Variants in GRID2 observed in about 807,000 individuals in gnomAD.
GRID2 encodes the protein glutamate ionotropic receptor delta type subunit 2, also known as glutamate receptor ionotropic, delta-2.
A neutral mutation model predicts 114.8 loss-of-function variants in GRID2; 33 were observed. That is an observed-to-expected ratio of 0.29 (90% CI 0.22 to 0.38). The LOEUF is 0.38. GRID2 is among the 10% of genes least tolerant of loss of function. GRID2 has a pLI of 1.00. For missense variants in GRID2, 1,184 were observed against 1,257.7 expected (o/e 0.94, Z 0.89); for synonymous variants, 505 against 449.9 (o/e 1.12, Z -1.55).
intron 1 of GRID2, among the ~76,000 whole-genome samples, chr4:92,538,541 G>C (rs1725764515): frequency 6.6e-6 from 1 of 152,108 alleles, no homozygotes; most frequent in African/African-American, 2.4e-5. Flanking sequence ...TTACAAAAGG[G>C]ATAAGTTGTA....
chr4:93,265,648 C>A (rs1276001666), intron 8 of GRID2, among the ~76,000 whole-genome samples: 1 of 152,044 alleles, frequency 6.6e-6, no homozygotes, highest in South Asian at 2.1e-4. Flanking sequence ...ATAAATGTGA[C>A]CTATGCATAC....
At chr4:92,962,352 C>T (rs1307849639) in intron 2 of GRID2, among the ~76,000 whole-genome samples, 7 of 151,738 alleles carry the variant, frequency 4.6e-5, no homozygotes, top group African/African-American at 9.7e-5. Context: ...GATTGAGACT[C>T]GGTCTTTTAG....
At chr4:93,116,219 A>T (rs1434310231) in intron 4 of GRID2, among the ~76,000 whole-genome samples, 1 of 152,164 alleles carries the variant, frequency 6.6e-6, no homozygotes, top group Admixed American at 6.6e-5. Flanking sequence ...TAGTTGTAAA[A>T]GTTCGTTCAC....
intron 2 of GRID2, among the ~76,000 whole-genome samples, chr4:92,850,812 A>G (rs1743722155): frequency 6.6e-6 from 1 of 151,922 alleles, no homozygotes; most frequent in Non-Finnish European, 1.5e-5. Flanking sequence ...CCTTCAGATG[A>G]TTGGGATGTG....
At chr4:93,696,946 C>A (rs1217114908) in intron 14 of GRID2, among the ~76,000 whole-genome samples, 6 of 152,116 alleles carry the variant, frequency 3.9e-5, no homozygotes, top group Admixed American at 3.9e-4. Context: ...AGATATTCAA[C>A]AATGGATTTT....
intron 12 of GRID2, among the ~76,000 whole-genome samples, chr4:93,495,681 A>T (rs927819894): frequency 2.6e-5 from 4 of 151,760 alleles, no homozygotes; most frequent in Non-Finnish European, 5.9e-5. Context: ...ATGCATGTAT[A>T]TTTACAGCAA....
At chr4:92,565,419 A>C (rs189814558) in intron 1 of GRID2, among the ~76,000 whole-genome samples, 46 of 152,110 alleles carry the variant, frequency 3.0e-4, no homozygotes, top group Non-Finnish European at 5.2e-4. Flanking sequence ...TTCCCACTTT[A>C]TATGACAGTA....
rs534271482 is a variant in GRID2 at position 92,758,389 on chromosome 4, CT to C, written c.244+168110del. On this transcript the variant is annotated intron_variant, in intron 2 of 15. Transcript: ENST00000282020. ...GACTATTTGGAAACCAACAAGAACC[CT>C]TTTTTTGTTACGACAACTATATTTT... 2.3e-3 allele frequency among the ~76,000 whole-genome samples: 354 copies of C among 151,986 alleles called. 1 individual carries two copies. The highest frequency in any genetic ancestry group is 7.8e-3 in the African/African-American group (325 of 41,512).
intron 2 of GRID2, among the ~76,000 whole-genome samples, chr4:92,643,787 C>T (rs1175231669): frequency 6.6e-6 from 1 of 151,698 alleles, no homozygotes; most frequent in African/African-American, 2.4e-5. Context: ...GATTGTTTAA[C>T]TGTCATACAT....
intron 13 of GRID2, among the ~76,000 whole-genome samples, chr4:93,515,923 A>AC (rs1729674907): frequency 6.6e-6 from 1 of 152,126 alleles, no homozygotes. Context: ...TTTACATCTT[A>AC]CTTTTTCTAT....
At chr4:93,588,711 G>C (rs751949921) in intron 13 of GRID2, among the ~76,000 whole-genome samples, 1 of 152,190 alleles carries the variant, frequency 6.6e-6, no homozygotes, top group African/African-American at 2.4e-5. Flanking sequence ...CTAAGTCTGA[G>C]CCCTGCCCCT....
At chr4:92,725,294 A>G (rs1025615742) in intron 2 of GRID2, among the ~76,000 whole-genome samples, 1 of 152,122 alleles carries the variant, frequency 6.6e-6, no homozygotes, top group East Asian at 1.9e-4. Context: ...ACAGAGCAAC[A>G]CTGTCTCAGA....
chr4:92,723,110 AC>A (rs1422594719), intron 2 of GRID2, among the ~76,000 whole-genome samples: 2 of 151,962 alleles, frequency 1.3e-5, no homozygotes, highest in African/African-American at 4.8e-5. Flanking sequence ...TTAGTGATTG[AC>A]CCCCAAATAT....
intron 9 of GRID2, among the ~76,000 whole-genome samples, chr4:93,415,339 T>C (rs907555261): frequency 6.6e-6 from 1 of 152,136 alleles, no homozygotes; most frequent in Admixed American, 6.6e-5. Flanking sequence ...TACTCATGCA[T>C]GTGGATAGAC....
chr4:92,586,377 CACACACACACACACACAT>C (rs1014940069), intron 1 of GRID2, among the ~76,000 whole-genome samples: 1 of 151,204 alleles, frequency 6.6e-6, no homozygotes, highest in Non-Finnish European at 1.5e-5. Context: ...CACACACACA[CACACACACACACACACAT>C]ACACACACAC....
rs527617895 is a variant in GRID2, at chr4:92,596,089, G to A, written c.244+5803G>A. 5.3e-5 allele frequency among the ~76,000 whole-genome samples: 8 copies of A among 152,250 alleles called. No homozygotes were observed. In the East Asian group the frequency reaches 9.7e-4, roughly 18 times the overall value. ...TACAGTATGTGTACCCCAACAGCCT[G>A]TGTTTCCTGGACCAATTTTGATAAC... On this transcript the variant is annotated intron_variant, in intron 2 of 15. Coordinates refer to ENST00000282020, the MANE Select transcript of GRID2 (RefSeq NM_001510.4).
intron 9 of GRID2, among the ~76,000 whole-genome samples, chr4:93,416,519 G>T (rs1767725957): frequency 6.6e-6 from 1 of 151,966 alleles, no homozygotes; most frequent in Admixed American, 6.6e-5. Context: ...CTTAGTTTTG[G>T]CCTTCCTGGC....
chr4:93,563,106 A>G (rs749584769), intron 13 of GRID2, among the ~76,000 whole-genome samples: 17 of 152,068 alleles, frequency 1.1e-4, no homozygotes, highest in Non-Finnish European at 2.1e-4. Flanking sequence ...GTTCATGACT[A>G]GTGAAATAAA....
chr4:93,289,891 A>G (rs6818430), intron 8 of GRID2, among the ~76,000 whole-genome samples: 2,017 of 152,252 alleles, frequency 0.013, 26 homozygotes, highest in Non-Finnish European at 0.018. Context: ...ACAATAAGGG[A>G]AAAAAATTGG....
Sources: gnomAD v4.1 joint callset for allele counts (sites outside exome capture counted in the v4.1 genomes callset) on GRCh38, gnomAD v4.1.1 for gene constraint, MANE v1.5 for transcripts, NCBI Gene and HGNC (gene_info 2026-07-23, HGNC 2026-07-21) for gene names.